Variants in TBC1D8 observed in about 807,000 individuals in gnomAD.
TBC1D8 encodes BUB2-like protein 1.
Under a neutral mutation model 118.8 loss-of-function variants are expected in TBC1D8, and 65 were observed. The ratio of observed to expected loss-of-function variants is 0.55; its 90% confidence interval spans 0.45 to 0.67. The LOEUF (loss-of-function observed/expected upper bound fraction) is 0.67, where lower values mean the gene tolerates loss of function less well. Ranked by LOEUF, TBC1D8 falls within the 30% of genes least tolerant of loss-of-function variation. The pLI is 0.00. For missense variants in TBC1D8, 1,376 were observed against 1,471.2 expected (o/e 0.94, Z 1.06); for synonymous variants, 566 against 595.8 (o/e 0.95, Z 0.73).
chr2:101,068,185 A>C (rs1411753131), intron 2 of TBC1D8, among the ~76,000 whole-genome samples: 1 of 152,198 alleles, frequency 6.6e-6, no homozygotes, highest in African/African-American at 2.4e-5. Flanking sequence ...GATTAGAATC[A>C]ACTTCTTCCA....
At position 101,023,132 on chromosome 2, in the gene TBC1D8, G is replaced by A. The variant is rs372860557; in HGVS notation, c.2521-611C>T. The stretch of plus-strand genomic sequence containing the variant: ...TGCACTCCAGCCTGGGCAACAGAGC[G>A]TTTTTTTTGTTTGTTTGTTTTCCTT... On this transcript the variant is annotated intron_variant, in intron 15 of 19. Coordinates refer to ENST00000409318, the MANE Select transcript of TBC1D8 (RefSeq NM_001330348.2). Among the ~76,000 whole-genome samples the A allele has an allele frequency of 4.0e-4, 56 of 139,064 alleles. 1 individual carries two copies. In the East Asian group the frequency reaches 0.013, roughly 31 times the overall value. 91.2% of individuals were successfully genotyped at this position (139,064 alleles called of 152,430 possible).
chr2:101,101,912 G>A (rs1676862803), intron 1 of TBC1D8, among the ~76,000 whole-genome samples: 1 of 151,924 alleles, frequency 6.6e-6, no homozygotes, highest in South Asian at 2.1e-4. Context: ...GGGGGTGAGG[G>A]GAAGGAATGT....
At chr2:101,078,255 G>A (rs942050553) in intron 2 of TBC1D8, among the ~76,000 whole-genome samples, 5 of 152,100 alleles carry the variant, frequency 3.3e-5, no homozygotes, top group African/African-American at 7.2e-5. Context: ...TTGAGAAATC[G>A]GTTCTAAATG....
Position 101,032,437 on chromosome 2 carries a change from G to GCCCA in TBC1D8, c.1819-53_1819-52insTGGG, listed in dbSNP as rs1680726818. 1.1e-5 allele frequency: 17 copies of GCCCA among 1,513,914 alleles called. 1 individual carries two copies. In the Admixed American group the frequency reaches 1.5e-4, roughly 14 times the overall value. The allele number at this position is 1,513,914 out of a possible 1,614,324, so 93.8% of individuals were successfully genotyped here. A position where few individuals can be genotyped will look rare whatever the true frequency, so the allele number is the denominator to read the frequency against. The stretch of plus-strand genomic sequence containing the variant: ...ACTGACTGGCCCATGTGATGCCACA[G>GCCCA]AGATGTTACAAGCATCCAAGCCCAA... On this transcript the variant is annotated intron_variant, in intron 10 of 19. Transcript: ENST00000409318.
chr2:101,029,816 C>T (rs1335479224), intron 11 of TBC1D8, 40 bp from the exon 12 acceptor site: 71 of 1,592,020 alleles, frequency 4.5e-5, no homozygotes, highest in Non-Finnish European at 6.1e-5. Flanking sequence ...TGGGGTAGGA[C>T]TCACTCTCTA....
intron 2 of TBC1D8, among the ~76,000 whole-genome samples, chr2:101,073,530 G>A (rs987511480): frequency 1.8e-4 from 28 of 152,024 alleles, no homozygotes; most frequent in Non-Finnish European, 2.6e-4. Context: ...TCCTGACCTC[G>A]TGATCCGCCC....
intron 1 of TBC1D8, among the ~76,000 whole-genome samples, chr2:101,098,825 A>G (rs554358192): frequency 1.6e-4 from 25 of 152,216 alleles, no homozygotes; most frequent in Non-Finnish European, 3.2e-4. Flanking sequence ...GAGAACAAAA[A>G]GACAACGTAC....
chr2:101,079,039 G>C (rs1488258577), intron 2 of TBC1D8, among the ~76,000 whole-genome samples: 1 of 152,104 alleles, frequency 6.6e-6, no homozygotes, highest in Non-Finnish European at 1.5e-5. Context: ...CACCCACTGG[G>C]GTCAGACCAG....
At chr2:101,080,817 C>T (rs370874587) in intron 2 of TBC1D8, among the ~76,000 whole-genome samples, 3 of 151,672 alleles carry the variant, frequency 2.0e-5, no homozygotes, top group African/African-American at 7.3e-5. Flanking sequence ...GGGTCTTGCT[C>T]TGTTGCCCAG....
intron 6 of TBC1D8, among the ~76,000 whole-genome samples, chr2:101,039,720 G>A (rs902656221): frequency 6.6e-6 from 1 of 152,074 alleles, no homozygotes; most frequent in African/African-American, 2.4e-5. Flanking sequence ...ATTTTTAACT[G>A]AAGTTCCAGG....
intron 1 of TBC1D8, among the ~76,000 whole-genome samples, chr2:101,142,570 C>T (rs1679152950): frequency 6.6e-6 from 1 of 152,144 alleles, no homozygotes. Flanking sequence ...GATTACTACA[C>T]ATCCATGAAA....
At chr2:101,036,824 T>C (rs537623697) in intron 8 of TBC1D8, among the ~76,000 whole-genome samples, 1 of 152,380 alleles carries the variant, frequency 6.6e-6, no homozygotes, top group South Asian at 2.1e-4. Flanking sequence ...TAAATACATA[T>C]ATTTAACATT....
chr2:101,090,342 A>C lies in TBC1D8; in HGVS notation c.150T>G (p.Asp50Glu). ...CCCGTGCATTGGAATCCAACACTGC[A>C]TCCAGAGCGCCGACCAGGCGACCTT... ...RLTGRLVGAL[D>E]AVLDSNARVA... Residue 50 changes from aspartate to glutamate, a missense_variant, in exon 2 of 20, where the codon GAT becomes GAG. Physicochemically the swap from Asp to Glu is conservative, Grantham distance 45. Transcript: ENST00000409318. The C allele has an allele frequency of 6.2e-7, 1 of 1,614,038 alleles. No homozygotes were observed. Among genetic ancestry groups the C allele is most frequent in the Non-Finnish European group, 8.5e-7 (1 of 1,179,892 alleles).
chr2:101,096,859 T>C (rs1676489440), intron 1 of TBC1D8, among the ~76,000 whole-genome samples: 1 of 151,186 alleles, frequency 6.6e-6, no homozygotes, highest in Non-Finnish European at 1.5e-5. Context: ...TGTGGAACAA[T>C]TCCAAAAGGT....
At chr2:101,017,154 C>T (rs964942236) in intron 17 of TBC1D8, among the ~76,000 whole-genome samples, 16 of 152,002 alleles carry the variant, frequency 1.1e-4, no homozygotes, top group Non-Finnish European at 1.9e-4. Context: ...GTGTCTTCCA[C>T]GTCCACATCT....
intron 1 of TBC1D8, among the ~76,000 whole-genome samples, chr2:101,131,806 C>T (rs1258051017): frequency 6.6e-6 from 1 of 151,916 alleles, no homozygotes; most frequent in Non-Finnish European, 1.5e-5. Flanking sequence ...CAGAGCGAGA[C>T]TCTGTCTCAA....
At chr2:101,134,906 G>A (rs1465188067) in intron 1 of TBC1D8, among the ~76,000 whole-genome samples, 1 of 152,220 alleles carries the variant, frequency 6.6e-6, no homozygotes. Context: ...GGGCACGGTG[G>A]CTCACGCCTG....
chr2:101,075,661 C>G (rs997439919), intron 2 of TBC1D8, among the ~76,000 whole-genome samples: 1 of 152,150 alleles, frequency 6.6e-6, no homozygotes, highest in Non-Finnish European at 1.5e-5. Flanking sequence ...CCTTGCTTCT[C>G]CTTTGCACCT....
chr2:101,053,097 C>T (rs1310404209), intron 4 of TBC1D8, among the ~76,000 whole-genome samples: 1 of 152,200 alleles, frequency 6.6e-6, no homozygotes, highest in Admixed American at 6.5e-5. Context: ...AATGCAAATA[C>T]AGTACAAATA....
Sources: allele counts gnomAD v4.1 joint callset (sites outside exome capture counted in the v4.1 genomes callset), GRCh38; gene constraint gnomAD v4.1.1; transcripts MANE v1.5; gene names NCBI Gene and HGNC (gene_info 2026-07-23, HGNC 2026-07-21).